The following CDC14A variants were observed in gnomAD, a reference collection of about 807,000 sequenced individuals.
CDC14A encodes cell division cycle 14A.
A neutral mutation model predicts 74.4 loss-of-function variants in CDC14A; 53 were observed. That is an observed-to-expected ratio of 0.71 (90% CI 0.57 to 0.89). CDC14A has a LOEUF of 0.89. Among genes scored for constraint, CDC14A ranks in the 40% least tolerant of loss-of-function variants. The probability of loss-of-function intolerance (pLI) is 0.00; values close to 1 mark genes in which losing one functional copy is unlikely to be tolerated. For missense variants in CDC14A, 646 were observed against 713.7 expected, an observed-to-expected ratio of 0.91 and a Z score of 1.08; for synonymous variants, 247 against 258.4, an observed-to-expected ratio of 0.96 and a Z score of 0.43.
At chr1:100,491,518 A>ATCTCTCTCTC (rs761858427) in intron 11 of CDC14A, among the ~76,000 whole-genome samples, 619 of 26,456 alleles carry the variant, frequency 0.023, 36 homozygotes, top group Non-Finnish European at 0.035. Flanking sequence ...ATATATCTGC[A>ATCTCTCTCTC]TCTCTCTCTC....
intron 6 of CDC14A, among the ~76,000 whole-genome samples, chr1:100,441,954 T>C (rs1664978591): frequency 6.6e-6 from 1 of 152,192 alleles, no homozygotes; most frequent in African/African-American, 2.4e-5. Flanking sequence ...TTTCTTTTTC[T>C]ATTTTTAATG....
rs1222495695 is a variant in CDC14A at position 100,376,114 on chromosome 1, T to C, written c.141-1432T>C. Among the ~76,000 whole-genome samples the C allele has an allele frequency of 5.4e-5, 8 of 147,530 alleles. No homozygotes were observed. In the East Asian group the frequency reaches 1.4e-3, roughly 26 times the overall value. On this transcript the variant is annotated intron_variant, in intron 2 of 15. Coordinates refer to ENST00000336454, the MANE Select transcript of CDC14A (RefSeq NM_003672.4). ...ACTGAACAATGAGAACACTTGGACA[T>C]GGGAAGGGGAACATCACACACCAGG...
chr1:100,357,430 GA>G (rs1339469742), intron 2 of CDC14A, among the ~76,000 whole-genome samples: 1 of 152,162 alleles, frequency 6.6e-6, no homozygotes, highest in Non-Finnish European at 1.5e-5. Context: ...GAATGAGAGA[GA>G]CTGCAAAGCC....
chr1:100,436,057 G>C (rs1664294592), intron 5 of CDC14A, among the ~76,000 whole-genome samples: 1 of 152,148 alleles, frequency 6.6e-6, no homozygotes, highest in African/African-American at 2.4e-5. Context: ...TAAAACCTCA[G>C]AGTAGGAGGG....
At chr1:100,412,696 T>TTATATATATATATATATATATATATATA (rs139550432) in intron 4 of CDC14A, among the ~76,000 whole-genome samples, 1 of 74,104 alleles carries the variant, frequency 1.3e-5, no homozygotes, top group African/African-American at 1.2e-4. Flanking sequence ...CCTGTATGTT[T>TTATATATATATATATATATATATATATA]TATATATATA....
chr1:100,352,963 G>A lies in CDC14A; in HGVS notation c.9G>A (p.Ala3=). 3 of 1,614,060 alleles carry A rather than the reference G, an allele frequency of 1.9e-6. No individual in the cohort carries two copies. The highest frequency in any genetic ancestry group is 2.2e-5 in the East Asian group (1 of 44,880). ...TGCGTATCTCGCTTAAGATGGCAGCGGAGTCAGGGGAACTAATCGGGGCTT... is the reference window on the plus strand; with the variant it reads ...TGCGTATCTCGCTTAAGATGGCAGCAGAGTCAGGGGAACTAATCGGGGCTT... MA[A]ESGELIGACE... is the part of the protein sequence containing the mutation. Residue 3 remains alanine, a synonymous_variant, in exon 1 of 16, where the codon GCG becomes GCA. Transcript: ENST00000336454.
At position 100,484,527 on chromosome 1, in the gene CDC14A, A is replaced by G. The variant is rs539344647; in HGVS notation, c.1137+76A>G. ...TGTTTCTCAGTTGGACCTATATAACATAGCAGTGTCTTTTCTCTGGATGCC... is the reference window on the plus strand; with the variant it reads ...TGTTTCTCAGTTGGACCTATATAACGTAGCAGTGTCTTTTCTCTGGATGCC... On this transcript the variant is annotated intron_variant, in intron 11 of 15. Transcript: ENST00000336454. 6 of 1,413,228 alleles carry G rather than the reference A, an allele frequency of 4.2e-6. No individual in the cohort carries two copies. In the East Asian group the frequency reaches 1.3e-4, roughly 31 times the overall value. 87.5% of individuals were successfully genotyped at this position (1,413,228 alleles called of 1,614,324 possible).
At chr1:100,348,831 G>T (rs1650662596), upstream of CDC14A, among the ~76,000 whole-genome samples, 1 of 152,226 alleles carries the variant, frequency 6.6e-6, no homozygotes, top group Non-Finnish European at 1.5e-5. Context: ...AGAACTGCAG[G>T]TGCACAAGCA....
At chr1:100,382,009 C>A (rs1656175575) in intron 3 of CDC14A, among the ~76,000 whole-genome samples, 1 of 151,928 alleles carries the variant, frequency 6.6e-6, no homozygotes, top group African/African-American at 2.4e-5. Context: ...TTCAAGGGAT[C>A]CATAAACCCT....
At chr1:100,467,432 CA>C (rs1667950961) in intron 9 of CDC14A, among the ~76,000 whole-genome samples, 1 of 14,644 alleles carries the variant, frequency 6.8e-5, no homozygotes, top group African/African-American at 8.5e-5. Context: ...CATATGCACA[CA>C]ATTTTTTTTT....
intron 3 of CDC14A, among the ~76,000 whole-genome samples, chr1:100,389,320 T>C (rs559966465): frequency 6.0e-4 from 90 of 150,264 alleles, no homozygotes; most frequent in African/African-American, 2.2e-3. Flanking sequence ...TAGCCGGGCG[T>C]GGTTGTGGGT....
chr1:100,516,256 ATATGTGTGTG>A (rs1650217226), intron 15 of CDC14A, among the ~76,000 whole-genome samples: 1 of 152,222 alleles, frequency 6.6e-6, no homozygotes, highest in Admixed American at 6.5e-5. Context: ...ATGAATATAT[ATATGTGTGTG>A]TTTATATATA....
chr1:100,494,937 C>G lies in CDC14A; in HGVS notation c.1250+7C>G. The stretch of plus-strand genomic sequence containing the variant: ...CACCATCCTGTGCATTTAGGTAGAT[C>G]TGTTTTAAACACTTCAATTTATAGT... On this transcript the variant is annotated splice_region_variant and intron_variant, in intron 12 of 15. Transcript: ENST00000336454. 2 of 1,408,200 alleles carry G rather than the reference C, an allele frequency of 1.4e-6. No individual in the cohort carries two copies. The highest frequency in any genetic ancestry group is 2.0e-6 in the Non-Finnish European group (2 of 995,614). The allele number at this position is 1,408,200 out of a possible 1,614,324, so 87.2% of individuals were successfully genotyped here.
chr1:100,455,524 T>G (rs1666599991), intron 8 of CDC14A, 32 bp downstream of exon 8: 2 of 1,128,482 alleles, frequency 1.8e-6, no homozygotes, highest in South Asian at 2.7e-5. Context: ...CATCCAAACA[T>G]TTATTTTGAT....
intron 8 of CDC14A, among the ~76,000 whole-genome samples, chr1:100,458,736 C>G (rs1336359910): frequency 6.8e-6 from 1 of 148,112 alleles, no homozygotes; most frequent in East Asian, 2.0e-4. Flanking sequence ...TCTGAGGAGG[C>G]TGAAAGTCAT....
rs584350 is a variant in CDC14A, at chr1:100,442,768, A to G, written c.457-166A>G. Among the ~76,000 whole-genome samples the G allele has an allele frequency of 0.69, 104,691 of 151,974 alleles. 37,749 individuals carry two copies. The highest frequency in any genetic ancestry group is 0.92 in the African/African-American group (37,982 of 41,490). On this transcript the variant is annotated intron_variant, in intron 6 of 15. Transcript: ENST00000336454. ...GTTCCAGTAAGACAGTCTTAATGCA[A>G]TATAACCAGTTTTATAAAAAGATTT...
chr1:100,384,123 A>G (rs909105535), intron 3 of CDC14A, among the ~76,000 whole-genome samples: 4 of 152,194 alleles, frequency 2.6e-5, no homozygotes, highest in Non-Finnish European at 5.9e-5. Flanking sequence ...CCACTAGAAT[A>G]TAACCTTTCA....
At chr1:100,461,536 G>A (rs567020938) in intron 8 of CDC14A, among the ~76,000 whole-genome samples, 38 of 136,862 alleles carry the variant, frequency 2.8e-4, no homozygotes, top group Admixed American at 1.8e-3. Context: ...AATTCTGAAT[G>A]GGTTACAGAT....
rs574273328 is a variant in CDC14A at position 100,462,996 on chromosome 1, A to C, written c.838+115A>C. On this transcript the variant is annotated intron_variant, in intron 9 of 15. Coordinates refer to ENST00000336454, the MANE Select transcript of CDC14A (RefSeq NM_003672.4). ...GTCTTAGAAAAACAATGAGGTTTTA[A>C]ATTTCAGACAACTGGGACACAAACT... The C allele has an allele frequency of 1.5e-5, 11 of 720,550 alleles. No homozygotes were observed. In the African/African-American group the frequency reaches 2.0e-4, roughly 13 times the overall value. The allele number at this position is 720,550 out of a possible 1,614,324, so 44.6% of individuals were successfully genotyped here. A position where few individuals can be genotyped will look rare whatever the true frequency, so the allele number is the denominator to read the frequency against.
Sources: allele counts gnomAD v4.1 joint callset (sites outside exome capture counted in the v4.1 genomes callset), GRCh38; gene constraint gnomAD v4.1.1; transcripts MANE v1.5; gene names NCBI Gene and HGNC (gene_info 2026-07-23, HGNC 2026-07-21).